The following RNF138 variants were observed in gnomAD, a reference collection of about 807,000 sequenced individuals.
RNF138 encodes E3 ubiquitin-protein ligase RNF138.
Under a neutral mutation model 31.0 loss-of-function variants are expected in RNF138, and 12 were observed. The observed-to-expected ratio is 0.39, with a 90% CI of 0.25 to 0.63. The LOEUF is 0.63. RNF138 is among the 20% of genes least tolerant of loss of function. The pLI is 0.52. For synonymous variants in RNF138, 105 were observed against 99.5 expected, an observed-to-expected ratio of 1.06 and a Z score of -0.33; for missense variants, 192 against 300.1, an observed-to-expected ratio of 0.64 and a Z score of 2.66.
intron 4 of RNF138, among the ~76,000 whole-genome samples, chr18:32,118,751 C>T (rs895768076): frequency 6.6e-6 from 1 of 152,022 alleles, no homozygotes; most frequent in African/African-American, 2.4e-5. Flanking sequence ...ATTCCTTGAA[C>T]CCGGGAGGCC....
chr18:32,098,333 G>C (rs1484018221), intron 2 of RNF138, among the ~76,000 whole-genome samples: 1 of 151,790 alleles, frequency 6.6e-6, no homozygotes, highest in Non-Finnish European at 1.5e-5. Context: ...AAATTTTTTA[G>C]AGATGGGGTC....
intron 2 of RNF138, among the ~76,000 whole-genome samples, chr18:32,094,538 T>G (rs1475136773): frequency 6.6e-6 from 1 of 152,180 alleles, no homozygotes; most frequent in Non-Finnish European, 1.5e-5. Context: ...TGATTGAGTG[T>G]TCACAGGCAT....
At chr18:32,115,663 T>A (rs1194993428) in intron 4 of RNF138, among the ~76,000 whole-genome samples, 1 of 152,124 alleles carries the variant, frequency 6.6e-6, no homozygotes, top group East Asian at 1.9e-4. Flanking sequence ...GAGAATCACT[T>A]GACCCTAGGA....
rs1167535943 is a variant in RNF138 at position 32,102,195 on chromosome 18, C to CTTTTTTTTTTT, written c.110+9323_110+9333dup. ...ACCACACCTGACCTTCTTTTAGTTT[C>CTTTTTTTTTTT]TTTTTTTTTTTTTTTTTTTTTTTTG... On this transcript the variant is annotated intron_variant, in intron 2 of 7. Transcript: ENST00000261593. Among the ~76,000 whole-genome samples the CTTTTTTTTTTT allele has an allele frequency of 1.3e-4, 8 of 63,812 alleles. 1 individual carries two copies. The highest frequency in any genetic ancestry group is 1.7e-4 in the Non-Finnish European group (6 of 35,774). 41.9% of individuals were successfully genotyped at this position (63,812 alleles called of 152,430 possible). A position where few individuals can be genotyped will look rare whatever the true frequency, so the allele number is the denominator to read the frequency against.
intron 2 of RNF138, among the ~76,000 whole-genome samples, chr18:32,108,162 TTTTA>T (rs1396278420): frequency 1.3e-5 from 2 of 152,210 alleles, no homozygotes; most frequent in African/African-American, 4.8e-5. Flanking sequence ...GCCAAATATT[TTTTA>T]TTTAAGTATA....
intron 2 of RNF138, among the ~76,000 whole-genome samples, chr18:32,094,359 A>T (rs969645022): frequency 6.6e-6 from 1 of 151,902 alleles, no homozygotes; most frequent in Non-Finnish European, 1.5e-5. Context: ...CTTTATTTCT[A>T]TTTTGTGCTG....
intron 4 of RNF138, among the ~76,000 whole-genome samples, chr18:32,118,961 C>T (rs1317087527): frequency 6.6e-6 from 1 of 151,944 alleles, no homozygotes; most frequent in Non-Finnish European, 1.5e-5. Context: ...TATGCATATT[C>T]TTTAATTTTC....
chr18:32,115,200 G>A (rs2040195389), intron 4 of RNF138, among the ~76,000 whole-genome samples: 1 of 152,032 alleles, frequency 6.6e-6, no homozygotes, highest in Non-Finnish European at 1.5e-5. Flanking sequence ...TTGTAATCAC[G>A]CTTTTAATGA....
Position 32,129,877 on chromosome 18 carries a change from T to TAG in RNF138, c.*690_*691insAG, listed in dbSNP as rs919514219. On this transcript the variant is annotated 3_prime_UTR_variant, in exon 8 of 8. Transcript: ENST00000261593. ...CATGGGCATTTGATAATTTCAGTCT[T>TAG]TGACTGATTTGTAAGCCTAGAATAT... 1.3e-5 allele frequency: 2 copies of TAG among 150,556 alleles called. No individual in the cohort carries two copies. The highest frequency in any genetic ancestry group is 2.9e-5 in the Non-Finnish European group (2 of 67,936). The allele number at this position is 150,556 out of a possible 1,614,324, so 9.3% of individuals were successfully genotyped here.
intron 6 of RNF138, chr18:32,125,088 A>G (rs1276639982): frequency 5.8e-6 from 2 of 343,148 alleles, no homozygotes; most frequent in Non-Finnish European, 1.1e-5. Context: ...AGTCTGGAGA[A>G]GAGTGAAGTA....
chr18:32,121,374 A>T (rs1222931530), intron 4 of RNF138, among the ~76,000 whole-genome samples: 1 of 152,032 alleles, frequency 6.6e-6, no homozygotes, highest in African/African-American at 2.4e-5. Context: ...ACATGCCGGT[A>T]ATCCTAGCTT....
At chr18:32,092,399 CGGGGCGCGAGCCCGCGCCT>C (rs986156609) in intron 1 of RNF138, among the ~76,000 whole-genome samples, 164 bp downstream of exon 1, 13 of 149,444 alleles carry the variant, frequency 8.7e-5, no homozygotes, top group Non-Finnish European at 1.9e-4. Context: ...GGGCTGAGGG[CGGGGCGCGAGCCCGCGCCT>C]GGAGCCCGGT....
chr18:32,099,563 C>T (rs947056811), intron 2 of RNF138, among the ~76,000 whole-genome samples: 1 of 152,068 alleles, frequency 6.6e-6, no homozygotes, highest in African/African-American at 2.4e-5. Flanking sequence ...CCACTATACC[C>T]GGCTAATTTT....
chr18:32,125,652 A>C (rs2040371820), intron 6 of RNF138, among the ~76,000 whole-genome samples: 1 of 152,170 alleles, frequency 6.6e-6, no homozygotes, highest in Admixed American at 6.5e-5. Context: ...GTGCTTCAGG[A>C]CCGGGCACGG....
At chr18:32,107,432 T>C (rs1271889318) in intron 2 of RNF138, among the ~76,000 whole-genome samples, 1 of 151,776 alleles carries the variant, frequency 6.6e-6, no homozygotes, top group Non-Finnish European at 1.5e-5. Context: ...ACTTTCCTTT[T>C]TTTCTAGTAA....
At chr18:32,112,116 G>GA (rs537832289) in intron 3 of RNF138, among the ~76,000 whole-genome samples, 197 bp downstream of exon 3, 26 of 147,486 alleles carry the variant, frequency 1.8e-4, no homozygotes, top group Admixed American at 4.1e-4. Flanking sequence ...AAATGAGACT[G>GA]AAAAAAAAAT....
At position 32,129,619 on chromosome 18, in the gene RNF138, G is replaced by T. The variant is rs2040441228; in HGVS notation, c.*432G>T. 6.5e-6 allele frequency: 1 copy of T among 153,618 alleles called. No homozygotes were observed. Among genetic ancestry groups the T allele is most frequent in the Non-Finnish European group, 1.5e-5 (1 of 68,726 alleles). 9.5% of individuals were successfully genotyped at this position (153,618 alleles called of 1,614,324 possible). On this transcript the variant is annotated 3_prime_UTR_variant, in exon 8 of 8. Coordinates refer to ENST00000261593, the MANE Select transcript of RNF138 (RefSeq NM_016271.5). Reference sequence around the variant, plus strand: ...ATCTGAGCCAGTTATTATTAGAGTTGCAGAATAGAAACTTGAAGTGCTAAA... The same window carrying T: ...ATCTGAGCCAGTTATTATTAGAGTTTCAGAATAGAAACTTGAAGTGCTAAA...
At position 32,092,833 on chromosome 18, in the gene RNF138, CGTCT is replaced by C. The variant is rs1478003694; in HGVS notation, c.61_64del (p.Cys21ArgfsTer23). On this transcript the variant is annotated frameshift_variant, in exon 2 of 8. Coordinates refer to ENST00000261593, the MANE Select transcript of RNF138 (RefSeq NM_016271.5). LOFTEE classifies it high-confidence loss of function. ...ACACCGAAGATGATTTCTACTGCCCCGTCTGTCAGGAGGTGCTCAAAACGCCCGT... is the reference window on the plus strand; with the variant it reads ...ACACCGAAGATGATTTCTACTGCCCCGTCAGGAGGTGCTCAAAACGCCCGT... The C allele has an allele frequency of 1.9e-6, 3 of 1,600,408 alleles. No individual in the cohort carries two copies. The highest frequency in any genetic ancestry group is 1.7e-5 in the Admixed American group (1 of 58,446).
intron 6 of RNF138, among the ~76,000 whole-genome samples, chr18:32,125,561 G>T (rs1396676233): frequency 6.6e-6 from 1 of 152,174 alleles, no homozygotes; most frequent in Non-Finnish European, 1.5e-5. Context: ...AAGGAGAATA[G>T]GAAGGAAAAT....
Sources: gnomAD v4.1 joint callset for allele counts (sites outside exome capture counted in the v4.1 genomes callset) on GRCh38, gnomAD v4.1.1 for gene constraint, MANE v1.5 for transcripts, NCBI Gene and HGNC (gene_info 2026-07-23, HGNC 2026-07-21) for gene names.